Variants in CD36 observed in about 807,000 individuals in gnomAD.
The protein encoded by CD36 is CD36 molecule (CD36 blood group).
Under a neutral mutation model 55.2 loss-of-function variants are expected in CD36, and 119 were observed. That is an observed-to-expected ratio of 2.15 (90% confidence interval 1.86 to 2.51). The LOEUF is 2.51. Among genes scored for constraint, CD36 ranks in the 30% most tolerant of loss-of-function variants. The probability of loss-of-function intolerance (pLI) is 0.00; values close to 1 mark genes in which losing one functional copy is unlikely to be tolerated. For missense variants in CD36, 819 were observed against 555.5 expected, an observed-to-expected ratio of 1.47 and a Z score of -4.77; for synonymous variants, 186 against 193.6, an observed-to-expected ratio of 0.96 and a Z score of 0.33.
intron 5 of CD36, among the ~76,000 whole-genome samples, chr7:80,661,942 T>G (rs1305703627): frequency 6.6e-6 from 1 of 152,146 alleles, no homozygotes; most frequent in Non-Finnish European, 1.5e-5. Context: ...TCCAAATTCA[T>G]GGCAAATAAA....
chr7:80,610,432 A>AAATACAAGAATAGTAATATCTTCAGTG (rs1792814615), intron 1 of CD36, among the ~76,000 whole-genome samples: 1 of 152,160 alleles, frequency 6.6e-6, no homozygotes, highest in Non-Finnish European at 1.5e-5. Flanking sequence ...CATCTTTTGT[A>AAATACAAGAATAGTAATATCTTCAGTG]AATACAAGAA....
intron 8 of CD36, among the ~76,000 whole-genome samples, chr7:80,668,029 G>A (rs1034956960): frequency 4.6e-5 from 7 of 152,030 alleles, no homozygotes; most frequent in Non-Finnish European, 1.0e-4. Flanking sequence ...TTACAGGCTT[G>A]AGCCACCACA....
In CD36 at chr7:80,671,136, T is replaced by G. The variant is rs1218910644; in HGVS notation, c.978T>G (p.Gly326=). Residue 326 remains glycine (G), a synonymous_variant, in exon 10 of 15, where the codon GGT becomes GGG. Transcript: ENST00000447544. ...KIISKNCTSY[G]VLDISKCKEG... Reference sequence around the variant, plus strand: ...TCTCAAAAAATTGTACATCATATGGTGTGCTAGACATCAGCAAATGCAAAG... The same window carrying G: ...TCTCAAAAAATTGTACATCATATGGGGTGCTAGACATCAGCAAATGCAAAG... 6.2e-7 allele frequency: 1 copy of G among 1,612,656 alleles called. No homozygotes were observed. Among genetic ancestry groups the G allele is most frequent in the Non-Finnish European group, 8.5e-7 (1 of 1,179,162 alleles).
Position 80,673,373 on chromosome 7 carries a change from G to A in CD36, c.1218G>A (p.Lys406=). Residue 406 remains lysine, a synonymous_variant, in exon 13 of 15, where the codon AAG becomes AAA. Coordinates refer to ENST00000447544, the MANE Select transcript of CD36 (RefSeq NM_001001548.3). ...SEKIQVLKNL[K]RNYIVPILWL... ...ATTACAGAGTATTAAAGAATCTGAA[G>A]AGGAACTATATTGTGCCTATTCTTT... is the stretch of plus-strand genomic sequence containing the variant. The A allele has an allele frequency of 1.3e-6, 2 of 1,548,588 alleles. No individual in the cohort carries two copies. The highest frequency in any genetic ancestry group is 2.2e-5 in the South Asian group (2 of 89,264).
rs574547579 is a variant in CD36, at chr7:80,643,513, T to C, written c.-183-2575T>C. On this transcript the variant is annotated intron_variant, in intron 1 of 14. Coordinates refer to ENST00000447544, the MANE Select transcript of CD36 (RefSeq NM_001001548.3). ...GTGACACTGGGGGTTTCCTGCTGCA[T>C]TTTTTATGTGGGCTCATAAAGCTGT... is the stretch of plus-strand genomic sequence containing the variant. 3.3e-5 allele frequency among the ~76,000 whole-genome samples: 5 copies of C among 152,290 alleles called. No homozygotes were observed. In the East Asian group the frequency reaches 7.7e-4, roughly 24 times the overall value.
At chr7:80,610,862 G>A (rs985899757) in intron 1 of CD36, among the ~76,000 whole-genome samples, 5 of 151,034 alleles carry the variant, frequency 3.3e-5, no homozygotes, top group East Asian at 2.0e-4. Flanking sequence ...CCTGAGCCAC[G>A]GCACCCAGCC....
chr7:80,674,488 G>A lies in CD36; in HGVS notation c.*341G>A, dbSNP rs1056672413. ...TCTGATACTTAAAAATAATTGACTAGGAAATGGTTTCATAAGACCAGGATT... is the reference window on the plus strand; with the variant it reads ...TCTGATACTTAAAAATAATTGACTAAGAAATGGTTTCATAAGACCAGGATT... On this transcript the variant is annotated intron_variant, in intron 14 of 14. Coordinates refer to ENST00000447544, the MANE Select transcript of CD36 (RefSeq NM_001001548.3). 1.2e-5 allele frequency: 3 copies of A among 257,682 alleles called. No homozygotes were observed. The South Asian group carries it at 1.3e-4, about 11-fold the overall frequency. 16.0% of individuals were successfully genotyped at this position (257,682 alleles called of 1,614,324 possible).
At chr7:80,624,726 G>A (rs967771696) in intron 1 of CD36, among the ~76,000 whole-genome samples, 1 of 151,914 alleles carries the variant, frequency 6.6e-6, no homozygotes, top group African/African-American at 2.4e-5. Context: ...CAAAAATACA[G>A]TAATACAATA....
chr7:80,622,036 T>A (rs1793499047), intron 1 of CD36, among the ~76,000 whole-genome samples: 1 of 152,182 alleles, frequency 6.6e-6, no homozygotes, highest in South Asian at 2.1e-4. Flanking sequence ...TTGAGTGGTG[T>A]CTTTGCTTTA....
chr7:80,642,674 C>A (rs940236813), intron 1 of CD36, among the ~76,000 whole-genome samples: 15 of 152,088 alleles, frequency 9.9e-5, no homozygotes, highest in Non-Finnish European at 2.2e-4. Context: ...CAACTAGTGT[C>A]ACGTATTTTG....
chr7:80,630,798 G>A (rs1584320618), intron 1 of CD36, among the ~76,000 whole-genome samples: 1 of 152,106 alleles, frequency 6.6e-6, no homozygotes, highest in East Asian at 1.9e-4. Flanking sequence ...ATTACATGGA[G>A]GATGCCACTC....
At chr7:80,636,673 A>T (rs950989767), upstream of CD36, among the ~76,000 whole-genome samples, 1 of 152,170 alleles carries the variant, frequency 6.6e-6, no homozygotes, top group Admixed American at 6.6e-5. Flanking sequence ...CATAAAACAC[A>T]TCCCTTCAAA....
upstream of CD36, chr7:80,638,498 G>A (rs1794575104): frequency 6.6e-6 from 1 of 150,386 alleles, no homozygotes; most frequent in Non-Finnish European, 1.5e-5. Flanking sequence ...AATGTGCTGT[G>A]TGGGGGATTT....
intron 2 of CD36, 116 bp downstream of exon 2, chr7:80,646,297 G>C: frequency 4.5e-6 from 1 of 223,222 alleles, no homozygotes; most frequent in East Asian, 1.0e-4. Context: ...AGGTTGTGTT[G>C]GGTGGAGAAA....
At chr7:80,656,054 C>T (rs1247507827) in intron 3 of CD36, among the ~76,000 whole-genome samples, 3 of 152,098 alleles carry the variant, frequency 2.0e-5, no homozygotes, top group African/African-American at 7.2e-5. Context: ...TGTTAAGTAC[C>T]ATCCTCTGAA....
intron 8 of CD36, among the ~76,000 whole-genome samples, chr7:80,666,931 C>CA (rs1797147658): frequency 6.6e-6 from 1 of 152,108 alleles, no homozygotes; most frequent in Admixed American, 6.5e-5. Context: ...AGTTGCAAGA[C>CA]AGAACCATCC....
chr7:80,639,159 A>T (rs182065907), intron 1 of CD36, among the ~76,000 whole-genome samples: 8 of 152,122 alleles, frequency 5.3e-5, no homozygotes, highest in African/African-American at 1.9e-4. Context: ...TTATGTCAAC[A>T]TGTTGTCTAA....
intron 7 of CD36, among the ~76,000 whole-genome samples, chr7:80,664,928 A>T: frequency 6.6e-6 from 1 of 151,842 alleles, no homozygotes; most frequent in Non-Finnish European, 1.5e-5. Context: ...AATCGAGCAT[A>T]TCGAATTCCA....
intron 8 of CD36, 151 bp downstream of exon 8, chr7:80,666,640 A>G (rs1246387100): frequency 1.9e-5 from 13 of 696,708 alleles, no homozygotes; most frequent in Non-Finnish European, 3.4e-5. Context: ...ATTTGTATAT[A>G]GGCTAAAGGT....
Sources: allele counts gnomAD v4.1 joint callset (sites outside exome capture counted in the v4.1 genomes callset), GRCh38; gene constraint gnomAD v4.1.1; transcripts MANE v1.5; gene names NCBI Gene and HGNC (gene_info 2026-07-23, HGNC 2026-07-21).